ATE1: variants seen among roughly 807,000 people sequenced by gnomAD.
ATE1 encodes the protein arginyl-tRNA--protein transferase 1.
A neutral mutation model predicts 70.5 loss-of-function variants in ATE1; 36 were observed. The ratio of observed to expected loss-of-function variants is 0.51; its 90% CI spans 0.39 to 0.67. The LOEUF is 0.67. Among genes scored for constraint, ATE1 ranks in the 30% least tolerant of loss-of-function variants. The pLI, the probability that ATE1 is intolerant of heterozygous loss-of-function variation, is 0.00. For synonymous variants in ATE1, 232 were observed against 219.3 expected (o/e 1.06, Z -0.51); for missense variants, 593 against 629.5 (o/e 0.94, Z 0.62).
At chr10:121,824,211 A>T (rs1364304655) in intron 10 of ATE1, among the ~76,000 whole-genome samples, 1 of 152,222 alleles carries the variant, frequency 6.6e-6, no homozygotes. Flanking sequence ...ACATCAAGAA[A>T]ACATGCTGAA....
chr10:121,762,123 G>A (rs1054355508), intron 11 of ATE1, among the ~76,000 whole-genome samples: 7 of 152,118 alleles, frequency 4.6e-5, no homozygotes, highest in South Asian at 2.1e-4. Context: ...TCAGCAAAGC[G>A]TATCAGAAAA....
At chr10:121,926,514 T>G (rs1952096569) in intron 1 of ATE1, among the ~76,000 whole-genome samples, 1 of 152,212 alleles carries the variant, frequency 6.6e-6, no homozygotes, top group South Asian at 2.1e-4. Flanking sequence ...GATGGAAAGG[T>G]TGCAGGCAGG....
At chr10:121,926,828 TA>T in intron 1 of ATE1, 1 of 985,468 alleles carries the variant, frequency 1.0e-6, no homozygotes, top group Non-Finnish European at 1.2e-6. Flanking sequence ...TTTCTCCGTT[TA>T]AGTCCAAACT....
chr10:121,832,638 G>A (rs748468155), intron 10 of ATE1, among the ~76,000 whole-genome samples: 15 of 152,150 alleles, frequency 9.9e-5, no homozygotes, highest in Non-Finnish European at 1.8e-4. Flanking sequence ...CCACCGCCAC[G>A]TAAGAAGTGT....
chr10:121,925,427 CAAAA>C (rs35309690), intron 1 of ATE1, among the ~76,000 whole-genome samples: 1 of 118,740 alleles, frequency 8.4e-6, no homozygotes. Flanking sequence ...AGCTCTGTCT[CAAAA>C]AAAAAAAAAA....
At chr10:121,896,780 C>T (rs1020874409) in intron 7 of ATE1, among the ~76,000 whole-genome samples, 37 of 140,702 alleles carry the variant, frequency 2.6e-4, no homozygotes, top group African/African-American at 7.8e-4. Flanking sequence ...GCCAAGATCA[C>T]GCCACTGCAC....
In ATE1 at chr10:121,902,512, C is replaced by A; in HGVS notation, c.692G>T (p.Gly231Val). 6.2e-7 allele frequency: 1 copy of A among 1,614,166 alleles called. No homozygotes were observed. Among genetic ancestry groups the A allele is most frequent in the Non-Finnish European group, 8.5e-7 (1 of 1,180,032 alleles). The change falls in exon 6 of 12, where the codon GGT becomes GTT. Residue 231 changes from glycine (G) to valine (V), a missense_variant. Gly to Val is a moderately radical substitution (Grantham distance 109). Coordinates refer to ENST00000224652, the MANE Select transcript of ATE1 (RefSeq NM_001001976.3). ...TGGTGGGTGACCTTGAGCCTGGAAA[C>A]CCTCAAGTTCTCCAGCTGGGTTCTG... is the stretch of plus-strand genomic sequence containing the variant. ...MQQNPAGELE[G>V]FQAQGHPPSL...
intron 11 of ATE1, among the ~76,000 whole-genome samples, chr10:121,780,692 AG>A (rs1945947214): frequency 6.6e-6 from 1 of 152,142 alleles, no homozygotes. Context: ...TTTGCCAACC[AG>A]GCCTTCTGAA....
intron 10 of ATE1, among the ~76,000 whole-genome samples, chr10:121,823,209 G>A (rs540104148): frequency 6.6e-6 from 1 of 152,236 alleles, no homozygotes; most frequent in Admixed American, 6.5e-5. Flanking sequence ...AGAATGACAT[G>A]AACCCGGGAG....
intron 3 of ATE1, among the ~76,000 whole-genome samples, chr10:121,921,405 C>T (rs1302799561): frequency 6.6e-6 from 1 of 150,524 alleles, no homozygotes; most frequent in African/African-American, 2.4e-5. Context: ...GCAACAGGCA[C>T]GGCCCAGACC....
At chr10:121,773,117 A>G (rs1204400534) in intron 11 of ATE1, among the ~76,000 whole-genome samples, 2 of 152,208 alleles carry the variant, frequency 1.3e-5, no homozygotes, top group Non-Finnish European at 2.9e-5. Flanking sequence ...CCATTACTTC[A>G]GAGCTTCTGC....
intron 10 of ATE1, among the ~76,000 whole-genome samples, chr10:121,819,652 A>G (rs1479709358): frequency 9.1e-6 from 1 of 110,462 alleles, no homozygotes; most frequent in Non-Finnish European, 1.7e-5. Context: ...GCTTGCAGTG[A>G]GCCTGGGTGA....
Position 121,889,256 on chromosome 10 carries a change from C to T in ATE1, c.942+10610G>A, listed in dbSNP as rs570645141. Among the ~76,000 whole-genome samples, 13 of 152,042 alleles carry T rather than the reference C, an allele frequency of 8.6e-5. 1 individual carries two copies. The highest frequency in any genetic ancestry group is 3.1e-4 in the African/African-American group (13 of 41,470). ...TTCAATAAAAAACTTTTTTTAAGTA[C>T]ACATAACCTACACCTAAAAACATTA... is the stretch of plus-strand genomic sequence containing the variant. On this transcript the variant is annotated intron_variant, in intron 7 of 11. Coordinates refer to ENST00000224652, the MANE Select transcript of ATE1 (RefSeq NM_001001976.3).
chr10:121,785,064 T>C (rs569139071), intron 11 of ATE1, among the ~76,000 whole-genome samples: 2 of 152,334 alleles, frequency 1.3e-5, no homozygotes, highest in East Asian at 3.9e-4. Context: ...GTGATTCTAC[T>C]TCCAGCTGGC....
At chr10:121,807,253 T>C (rs1947133240) in intron 10 of ATE1, among the ~76,000 whole-genome samples, 1 of 152,218 alleles carries the variant, frequency 6.6e-6, no homozygotes, top group Non-Finnish European at 1.5e-5. Flanking sequence ...CTACACTATA[T>C]AATCCTTTAA....
intron 10 of ATE1, among the ~76,000 whole-genome samples, chr10:121,814,126 C>T (rs1564860141): frequency 6.6e-6 from 1 of 152,060 alleles, no homozygotes; most frequent in African/African-American, 2.4e-5. Flanking sequence ...ACAGATCAAT[C>T]GTAAATCATA....
chr10:121,821,223 T>C (rs7082135), intron 10 of ATE1, among the ~76,000 whole-genome samples: 133,492 of 152,200 alleles, frequency 0.88, 58,914 homozygotes, highest in Middle Eastern at 0.96. Context: ...AGATTCCTGA[T>C]GTGAGCCACC....
chr10:121,853,443 T>C (rs1019783087), intron 8 of ATE1, among the ~76,000 whole-genome samples: 1 of 152,042 alleles, frequency 6.6e-6, no homozygotes, highest in Admixed American at 6.6e-5. Context: ...ATCAGAAACT[T>C]TTTGAGCACT....
At chr10:121,799,937 T>C (rs2133364854) in intron 10 of ATE1, among the ~76,000 whole-genome samples, 1 of 152,268 alleles carries the variant, frequency 6.6e-6, no homozygotes, top group African/African-American at 2.4e-5. Flanking sequence ...TACTGAAAAA[T>C]GCACTGAAGT....
Sources: gnomAD v4.1 joint callset for allele counts (sites outside exome capture counted in the v4.1 genomes callset) on GRCh38, gnomAD v4.1.1 for gene constraint, MANE v1.5 for transcripts, NCBI Gene and HGNC (gene_info 2026-07-23, HGNC 2026-07-21) for gene names.